The following HECW2 variants were observed in gnomAD, a reference collection of about 807,000 sequenced individuals.
HECW2 encodes the protein HECT, C2 and WW domain containing E3 ubiquitin protein ligase 2.
Under a neutral mutation model 175.2 loss-of-function variants are expected in HECW2, and 61 were observed. The ratio of observed to expected loss-of-function variants is 0.35; its 90% CI spans 0.28 to 0.43. The LOEUF (loss-of-function observed/expected upper bound fraction) is 0.43, where lower values mean the gene tolerates loss of function less well. Ranked by LOEUF, HECW2 falls within the 20% of genes least tolerant of loss-of-function variation. HECW2 has a pLI of 1.00. For synonymous variants in HECW2, 671 were observed against 731.0 expected (o/e 0.92, Z 1.32); for missense variants, 1,524 against 2,000.5 (o/e 0.76, Z 4.54).
intron 3 of HECW2, among the ~76,000 whole-genome samples, chr2:196,343,354 T>C (rs868263992): frequency 3.3e-5 from 5 of 152,336 alleles, no homozygotes; most frequent in Middle Eastern, 3.4e-3. Context: ...TCTGTACTTG[T>C]TCAGTAGAGA....
chr2:196,250,504 A>G (rs968242633), intron 19 of HECW2, among the ~76,000 whole-genome samples: 9 of 152,226 alleles, frequency 5.9e-5, no homozygotes, highest in Admixed American at 2.6e-4. Flanking sequence ...TCTATTTTAT[A>G]GAAAAAGAGA....
intron 5 of HECW2, among the ~76,000 whole-genome samples, chr2:196,328,606 TTTTG>T (rs146591917): frequency 0.046 from 6,964 of 152,206 alleles, 192 homozygotes; most frequent in Middle Eastern, 0.099. Context: ...ACAACACGTT[TTTTG>T]TTTGTTTGTT....
At chr2:196,378,871 AC>A (rs1303117481) in intron 2 of HECW2, among the ~76,000 whole-genome samples, 1 of 152,214 alleles carries the variant, frequency 6.6e-6, no homozygotes, top group African/African-American at 2.4e-5. Flanking sequence ...ACTTGAACCC[AC>A]TAATCAATCT....
rs565055911 is a variant in HECW2, at chr2:196,277,252, G to A, written c.3135+1276C>T. 1.7e-3 allele frequency among the ~76,000 whole-genome samples: 252 copies of A among 152,298 alleles called. 1 individual carries two copies. Among genetic ancestry groups the A allele is most frequent in the African/African-American group, 5.5e-3 (229 of 41,560 alleles). ...CCATTGGTCCCTGCAAATCGGTAAA[G>A]TAGAGCAGTTTTTAGTAATTCTTAG... On this transcript the variant is annotated intron_variant, in intron 15 of 28. Transcript: ENST00000644978.
At chr2:196,569,451 TTC>T (rs1157652113) in intron 1 of HECW2, among the ~76,000 whole-genome samples, 3 of 152,286 alleles carry the variant, frequency 2.0e-5, no homozygotes, top group Admixed American at 1.3e-4. Context: ...AGAAAATGAC[TTC>T]TGTCTACTTT....
At chr2:196,472,682 C>T (rs1298959697) in intron 1 of HECW2, among the ~76,000 whole-genome samples, 3 of 151,454 alleles carry the variant, frequency 2.0e-5, no homozygotes, top group Non-Finnish European at 2.9e-5. Flanking sequence ...AGTGCAATGG[C>T]GCGATTTCAG....
intron 10 of HECW2, among the ~76,000 whole-genome samples, chr2:196,311,416 A>G (rs1273970140): frequency 6.6e-6 from 1 of 152,224 alleles, no homozygotes; most frequent in East Asian, 1.9e-4. Context: ...ATTAATAAGA[A>G]CTTAAAACAG....
chr2:196,236,797 G>A (rs1180326640), intron 21 of HECW2, among the ~76,000 whole-genome samples: 4 of 152,268 alleles, frequency 2.6e-5, no homozygotes, highest in Middle Eastern at 6.8e-3. Flanking sequence ...GCATCATACC[G>A]AGGGTACATA....
chr2:196,344,314 C>G (rs1201236524), intron 2 of HECW2, among the ~76,000 whole-genome samples: 1 of 17,232 alleles, frequency 5.8e-5, no homozygotes, highest in East Asian at 2.0e-3. Flanking sequence ...GACCTTGAGA[C>G]AAGATAAGAA....
chr2:196,205,834 G>A (rs1687047687), intron 28 of HECW2, among the ~76,000 whole-genome samples: 1 of 152,116 alleles, frequency 6.6e-6, no homozygotes, highest in African/African-American at 2.4e-5. Context: ...TTAGCAACAT[G>A]ATACCTACAT....
intron 1 of HECW2, 147 bp from the exon 2 acceptor site, chr2:196,433,605 T>C (rs1695783357): frequency 1.5e-6 from 1 of 653,214 alleles, no homozygotes; most frequent in Non-Finnish European, 2.6e-6. Context: ...ATTATTCTAC[T>C]GTTAAATGAT....
intron 2 of HECW2, among the ~76,000 whole-genome samples, chr2:196,428,082 G>T (rs1485239337): frequency 2.0e-5 from 3 of 152,246 alleles, no homozygotes; most frequent in East Asian, 3.9e-4. Context: ...CACTTCTAGA[G>T]GGGAAGAAAA....
chr2:196,341,171 A>G (rs1020513369), intron 3 of HECW2, among the ~76,000 whole-genome samples: 1 of 151,684 alleles, frequency 6.6e-6, no homozygotes, highest in African/African-American at 2.4e-5. Flanking sequence ...TCCAAACTAT[A>G]GCAGCATGTG....
At position 196,510,905 on chromosome 2, in the gene HECW2, C is replaced by T. The variant is rs969911847; in HGVS notation, c.-35-77447G>A. Among the ~76,000 whole-genome samples the T allele has an allele frequency of 3.3e-5, 5 of 152,264 alleles. No homozygotes were observed. In the South Asian group the frequency reaches 1.0e-3, roughly 32 times the overall value. On this transcript the variant is annotated intron_variant, in intron 1 of 28. Transcript: ENST00000644978. ...CTACTCCCCCATTCTCTTGAAAAATCTCTAAAAATGGGAATTTTTGTTTGT... is the reference window on the plus strand; with the variant it reads ...CTACTCCCCCATTCTCTTGAAAAATTTCTAAAAATGGGAATTTTTGTTTGT...
chr2:196,495,114 G>C (rs1559142591), intron 1 of HECW2, among the ~76,000 whole-genome samples: 2 of 151,264 alleles, frequency 1.3e-5, no homozygotes, highest in Admixed American at 6.6e-5. Flanking sequence ...TGTCACCCAG[G>C]TGGAGTGCAA....
chr2:196,513,712 G>C (rs1688041883), intron 1 of HECW2, among the ~76,000 whole-genome samples: 1 of 152,170 alleles, frequency 6.6e-6, no homozygotes, highest in Non-Finnish European at 1.5e-5. Flanking sequence ...GATTCCAATA[G>C]TCCTGGTATA....
chr2:196,442,134 AAG>A (rs1322186383), intron 1 of HECW2, among the ~76,000 whole-genome samples: 1 of 152,142 alleles, frequency 6.6e-6, no homozygotes, highest in Non-Finnish European at 1.5e-5. Context: ...CTAGATTAAA[AAG>A]AGAAAATCAT....
At chr2:196,414,025 C>T (rs1424309123) in intron 2 of HECW2, among the ~76,000 whole-genome samples, 1 of 152,238 alleles carries the variant, frequency 6.6e-6, no homozygotes. Context: ...CACCTCTGCA[C>T]TCAGCTGTAC....
chr2:196,581,408 C>T (rs1029133239), intron 1 of HECW2, among the ~76,000 whole-genome samples: 3 of 152,086 alleles, frequency 2.0e-5, no homozygotes, highest in African/African-American at 7.2e-5. Context: ...GTGGCATGTG[C>T]CTGTAGTCCC....
Sources: allele counts gnomAD v4.1 joint callset (sites outside exome capture counted in the v4.1 genomes callset), GRCh38; gene constraint gnomAD v4.1.1; transcripts MANE v1.5; gene names NCBI Gene and HGNC (gene_info 2026-07-23, HGNC 2026-07-21).